Variants in RBM47 observed in about 807,000 individuals in gnomAD.
RBM47 encodes RNA binding motif protein 47.
RBM47 carries 21 observed loss-of-function variants against 47.1 expected under a neutral mutation model. That is an observed-to-expected ratio of 0.45 (90% CI 0.32 to 0.64). The LOEUF (loss-of-function observed/expected upper bound fraction) is 0.64, where lower values mean the gene tolerates loss of function less well. Ranked by LOEUF, RBM47 falls within the 30% of genes least tolerant of loss-of-function variation. RBM47 has a pLI of 0.05. For missense variants in RBM47, 708 were observed against 870.9 expected (o/e 0.81, Z 2.35); for synonymous variants, 375 against 361.7 (o/e 1.04, Z -0.42).
At chr4:40,501,055 AC>A (rs1167746034) in intron 2 of RBM47, among the ~76,000 whole-genome samples, 5 of 152,130 alleles carry the variant, frequency 3.3e-5, no homozygotes, top group Admixed American at 2.0e-4. Flanking sequence ...AAAAAAAAAA[AC>A]AAAACAGCAA....
At position 40,436,201 on chromosome 4, in the gene RBM47, AAC is replaced by A. The variant is rs1231130486; in HGVS notation, c.1330+238_1330+239del. Among the ~76,000 whole-genome samples, 523 of 63,698 alleles carry A rather than the reference AAC, an allele frequency of 8.2e-3. 1 individual carries two copies. The highest frequency in any genetic ancestry group is 0.025 in the African/African-American group (484 of 19,480). 41.8% of individuals were successfully genotyped at this position (63,698 alleles called of 152,430 possible). On this transcript the variant is annotated intron_variant, in intron 5 of 6. Coordinates refer to ENST00000295971, the MANE Select transcript of RBM47 (RefSeq NM_001098634.2). Reference sequence around the variant, plus strand: ...AAAAAAAAAAACAAACAAACAAACAAACAAAAAAAAACCTTACTCAGGCAAGT... The same window carrying A: ...AAAAAAAAAAACAAACAAACAAACAAAAAAAAAAACCTTACTCAGGCAAGT...
intron 2 of RBM47, among the ~76,000 whole-genome samples, chr4:40,526,095 A>C (rs1357703162): frequency 6.6e-6 from 1 of 152,170 alleles, no homozygotes; most frequent in Non-Finnish European, 1.5e-5. Context: ...CCTTCATGGG[A>C]CCTTCAGAAT....
chr4:40,575,349 C>T (rs1016032635), intron 1 of RBM47, among the ~76,000 whole-genome samples: 8 of 151,952 alleles, frequency 5.3e-5, no homozygotes, highest in South Asian at 4.2e-4. Flanking sequence ...GTCAGGAGTT[C>T]GAGACCAGCC....
intron 2 of RBM47, chr4:40,543,326 G>A (rs143417297): frequency 5.5e-4 from 84 of 152,246 alleles, no homozygotes; most frequent in African/African-American, 2.0e-3. Flanking sequence ...ATTGCAGGAG[G>A]GGAACCTTGG....
At chr4:40,615,843 T>C (rs1043528488) in intron 1 of RBM47, among the ~76,000 whole-genome samples, 1 of 152,160 alleles carries the variant, frequency 6.6e-6, no homozygotes, top group Non-Finnish European at 1.5e-5. Flanking sequence ...TTTTGGAAAC[T>C]GAACCATCTT....
chr4:40,431,414 T>G (rs1270022441), intron 6 of RBM47, among the ~76,000 whole-genome samples: 1 of 152,086 alleles, frequency 6.6e-6, no homozygotes, highest in Non-Finnish European at 1.5e-5. Flanking sequence ...ATCCCAGCAC[T>G]TTGGGAGGCC....
chr4:40,605,839 A>G (rs1246879603), intron 1 of RBM47, among the ~76,000 whole-genome samples: 1 of 151,930 alleles, frequency 6.6e-6, no homozygotes, highest in African/African-American at 2.4e-5. Context: ...CTTAAAAAAA[A>G]AGAAAGAAAA....
At chr4:40,486,371 C>G (rs28396944) in intron 2 of RBM47, among the ~76,000 whole-genome samples, 4,515 of 152,236 alleles carry the variant, frequency 0.03, 145 homozygotes, top group African/African-American at 0.078. Flanking sequence ...GCAAAGATAT[C>G]AGCAGGCAGT....
chr4:40,436,897 G>A (rs1283751030), intron 4 of RBM47: 3 of 608,006 alleles, frequency 4.9e-6, no homozygotes, highest in Non-Finnish European at 6.1e-6. Flanking sequence ...TGCAATTTCA[G>A]TAAAGAAAAA....
At chr4:40,480,813 T>G (rs955233226) in intron 2 of RBM47, among the ~76,000 whole-genome samples, 8 of 152,178 alleles carry the variant, frequency 5.3e-5, no homozygotes, top group African/African-American at 1.9e-4. Flanking sequence ...ACCTAATAGA[T>G]TCTGTGGTAG....
chr4:40,586,717 G>T (rs558070740), intron 1 of RBM47, among the ~76,000 whole-genome samples: 1 of 151,666 alleles, frequency 6.6e-6, no homozygotes, highest in East Asian at 1.9e-4. Context: ...GTGGACCTTG[G>T]AAGCAAGAGT....
chr4:40,437,840 A>T lies in RBM47; in HGVS notation c.1054T>A (p.Tyr352Asn). 1.9e-6 allele frequency: 3 copies of T among 1,614,076 alleles called. No homozygotes were observed. The highest frequency in any genetic ancestry group is 2.5e-6 in the Non-Finnish European group (3 of 1,179,984). Residue 352 changes from tyrosine to asparagine, a missense_variant, in exon 4 of 7, where the codon TAC (tyrosine) becomes AAC (asparagine). Transcript: ENST00000295971. ...GGGTAGCCGTAGTAGGCCAGTGTGT[A>T]GGGGTCGCAGGAGTACACGTAGCTG... ...QPSYVYSCDP[Y>N]TLAYYGYPYN...
chr4:40,496,438 C>G (rs1722602827), intron 2 of RBM47, among the ~76,000 whole-genome samples: 2 of 152,106 alleles, frequency 1.3e-5, no homozygotes, highest in Admixed American at 1.3e-4. Flanking sequence ...TAACACCACC[C>G]CAGCCAGGTG....
chr4:40,437,960 C>G lies in RBM47; in HGVS notation c.934G>C (p.Glu312Gln). ...TCCACGGGCTTGGCCAGCGTGACCT[C>G]CAGGCACGAGCCCTCCAGCTCAGTG... ...NGTELEGSCL[E>Q]VTLAKPVDKE... Residue 312 changes from glutamate to glutamine, a missense_variant, in exon 4 of 7, where the codon GAG (glutamate) becomes CAG (glutamine). By Grantham distance (29) the Glu-to-Gln change is conservative. Coordinates refer to ENST00000295971, the MANE Select transcript of RBM47 (RefSeq NM_001098634.2). The G allele has an allele frequency of 5.6e-6, 9 of 1,613,524 alleles. No individual in the cohort carries two copies. Among genetic ancestry groups the G allele is most frequent in the Non-Finnish European group, 7.6e-6 (9 of 1,179,946 alleles).
chr4:40,623,085 A>G (rs1737414946), intron 1 of RBM47, among the ~76,000 whole-genome samples: 1 of 152,254 alleles, frequency 6.6e-6, no homozygotes, highest in East Asian at 1.9e-4. Flanking sequence ...TTACCATTTA[A>G]TTTCAGGGTC....
At chr4:40,456,124 TTC>T (rs1207367129) in intron 3 of RBM47, among the ~76,000 whole-genome samples, 1 of 152,246 alleles carries the variant, frequency 6.6e-6, no homozygotes, top group Admixed American at 6.5e-5. Flanking sequence ...AAGTATTATG[TTC>T]TTTTTATCAC....
At position 40,432,717 on chromosome 4, in the gene RBM47, G is replaced by GGCGGCA; in HGVS notation, c.1470_1475dup (p.Ala501_Ala502dup). ...CTGCGGCGGCTGCGGCCGCGGCTGCGGCGGCAGCAGCACTGGCTGGGTCTG... is the reference window on the plus strand; with the variant it reads ...CTGCGGCGGCTGCGGCCGCGGCTGCGGCGGCAGCGGCAGCAGCACTGGCTGGGTCTG... On this transcript the variant is annotated inframe_insertion, in exon 6 of 7. Transcript: ENST00000295971. 1 of 1,611,246 alleles carries GGCGGCA rather than the reference G, an allele frequency of 6.2e-7. No individual in the cohort carries two copies. The highest frequency in any genetic ancestry group is 8.5e-7 in the Non-Finnish European group (1 of 1,179,082).
At chr4:40,549,173 C>T (rs1560462020) in intron 1 of RBM47, among the ~76,000 whole-genome samples, 1 of 151,652 alleles carries the variant, frequency 6.6e-6, no homozygotes, top group Non-Finnish European at 1.5e-5. Flanking sequence ...TAATCTGCAA[C>T]CTCCGCCCCC....
At chr4:40,484,011 T>C (rs751915549) in intron 2 of RBM47, among the ~76,000 whole-genome samples, 1 of 152,184 alleles carries the variant, frequency 6.6e-6, no homozygotes, top group Non-Finnish European at 1.5e-5. Context: ...CTTATAGGAA[T>C]GGTTAAATAA....
Sources: allele counts gnomAD v4.1 joint callset (sites outside exome capture counted in the v4.1 genomes callset), GRCh38; gene constraint gnomAD v4.1.1; transcripts MANE v1.5; gene names NCBI Gene and HGNC (gene_info 2026-07-23, HGNC 2026-07-21).